CTNNA3: variants seen among roughly 807,000 people sequenced by gnomAD.
CTNNA3 encodes catenin alpha 3.
CTNNA3 carries 76 observed loss-of-function variants against 95.7 expected under a neutral mutation model. The ratio of observed to expected loss-of-function variants is 0.79; its 90% confidence interval spans 0.66 to 0.96. CTNNA3 has a LOEUF of 0.96. CTNNA3 is among the 40% of genes least tolerant of loss of function. CTNNA3 has a pLI of 0.00. For synonymous variants in CTNNA3, 431 were observed against 374.4 expected (o/e 1.15, Z -1.74); for missense variants, 1,191 against 1,089.8 (o/e 1.09, Z -1.31).
intron 5 of CTNNA3, among the ~76,000 whole-genome samples, chr10:67,328,475 G>A (rs1325169190): frequency 6.6e-6 from 1 of 152,208 alleles, no homozygotes; most frequent in African/African-American, 2.4e-5. Flanking sequence ...CACATCAGCT[G>A]GCTGCTGCCC....
At chr10:65,995,188 A>G (rs918977308) in intron 15 of CTNNA3, among the ~76,000 whole-genome samples, 1 of 151,920 alleles carries the variant, frequency 6.6e-6, no homozygotes, top group Non-Finnish European at 1.5e-5. Context: ...TTGCTGGACA[A>G]TTATTATGTT....
intron 9 of CTNNA3, among the ~76,000 whole-genome samples, chr10:66,679,977 A>C (rs927579894): frequency 1.1e-4 from 17 of 152,132 alleles, no homozygotes; most frequent in Non-Finnish European, 2.1e-4. Flanking sequence ...TCATAAGAAG[A>C]GCATTCACCA....
chr10:67,720,489 G>T (rs947290564), intron 1 of CTNNA3, among the ~76,000 whole-genome samples: 5 of 151,928 alleles, frequency 3.3e-5, no homozygotes, highest in Admixed American at 6.6e-5. Flanking sequence ...ACAGTAGCTG[G>T]TACCAGTTGT....
At chr10:67,577,133 A>T (rs1450435848) in intron 3 of CTNNA3, among the ~76,000 whole-genome samples, 1 of 151,130 alleles carries the variant, frequency 6.6e-6, no homozygotes, top group Non-Finnish European at 1.5e-5. Flanking sequence ...CGCCACACTG[A>T]CTTCCACAAT....
chr10:67,450,743 C>G (rs932207691), intron 5 of CTNNA3, among the ~76,000 whole-genome samples: 3 of 151,428 alleles, frequency 2.0e-5, no homozygotes, highest in African/African-American at 7.3e-5. Flanking sequence ...CACAAATTTA[C>G]CTATATAAAA....
intron 15 of CTNNA3, among the ~76,000 whole-genome samples, chr10:66,013,742 T>G (rs1218715343): frequency 6.6e-6 from 1 of 152,174 alleles, no homozygotes; most frequent in African/African-American, 2.4e-5. Context: ...ACGACCAAGT[T>G]TTTTAGATTT....
chr10:67,531,549 A>G (rs1016529918), intron 4 of CTNNA3, among the ~76,000 whole-genome samples: 8 of 152,180 alleles, frequency 5.3e-5, no homozygotes, highest in African/African-American at 1.9e-4. Flanking sequence ...CTGTACCCTC[A>G]TTGTATCTAG....
At chr10:67,419,909 T>G (rs181908282) in intron 5 of CTNNA3, among the ~76,000 whole-genome samples, 262 of 152,198 alleles carry the variant, frequency 1.7e-3, no homozygotes, top group African/African-American at 5.9e-3. Context: ...TGGAGTGCAG[T>G]GGCACGATCT....
rs534496927 is a variant in CTNNA3 at position 67,581,244 on chromosome 10, G to A, written c.292+25613C>T. Among the ~76,000 whole-genome samples, 6 of 152,204 alleles carry A rather than the reference G, an allele frequency of 3.9e-5. No individual in the cohort carries two copies. The East Asian group carries it at 5.8e-4, about 15-fold the overall frequency. Reference sequence around the variant, plus strand: ...TTGAGATATGTCCCATCAACACCTAGTTTATTGAGAGTTTTTAGCATGAAG... The same window carrying A: ...TTGAGATATGTCCCATCAACACCTAATTTATTGAGAGTTTTTAGCATGAAG... On this transcript the variant is annotated intron_variant, in intron 3 of 17. Transcript: ENST00000433211.
At chr10:66,007,720 C>CTT (rs1334789100) in intron 15 of CTNNA3, among the ~76,000 whole-genome samples, 3 of 136,258 alleles carry the variant, frequency 2.2e-5, no homozygotes, top group Admixed American at 1.5e-4. Context: ...CTCCCTCCCT[C>CTT]CCTCCCTTTC....
intron 8 of CTNNA3, among the ~76,000 whole-genome samples, chr10:66,770,472 T>A (rs897795002): frequency 6.6e-6 from 1 of 152,166 alleles, no homozygotes; most frequent in African/African-American, 2.4e-5. Flanking sequence ...ATACATACTT[T>A]CAATAAATAC....
intron 11 of CTNNA3, among the ~76,000 whole-genome samples, chr10:66,423,481 A>G (rs2093213225): frequency 6.6e-6 from 1 of 152,176 alleles, no homozygotes; most frequent in Non-Finnish European, 1.5e-5. Flanking sequence ...CTAAATCCAA[A>G]GGGCATCAGC....
At chr10:66,514,086 C>T (rs932303898) in intron 11 of CTNNA3, among the ~76,000 whole-genome samples, 1 of 152,092 alleles carries the variant, frequency 6.6e-6, no homozygotes, top group Admixed American at 6.6e-5. Context: ...GTTACTAAGC[C>T]AAGGTCAAAG....
At chr10:66,747,877 T>C (rs970185097) in intron 9 of CTNNA3, among the ~76,000 whole-genome samples, 8 of 152,168 alleles carry the variant, frequency 5.3e-5, no homozygotes, top group African/African-American at 1.9e-4. Context: ...AAAAGGTTTA[T>C]AACAATCATA....
chr10:67,468,839 T>C (rs1847702580), intron 5 of CTNNA3, among the ~76,000 whole-genome samples: 1 of 151,984 alleles, frequency 6.6e-6, no homozygotes, highest in African/African-American at 2.4e-5. Context: ...AGCAAAAAAT[T>C]TTTTATTGTG....
At chr10:66,231,546 C>T (rs2089590894) in intron 13 of CTNNA3, among the ~76,000 whole-genome samples, 1 of 152,028 alleles carries the variant, frequency 6.6e-6, no homozygotes, top group African/African-American at 2.4e-5. Context: ...CTTCTTGGCT[C>T]CTGATTTTGA....
chr10:67,169,584 C>T (rs745469866), intron 7 of CTNNA3, among the ~76,000 whole-genome samples: 4 of 152,018 alleles, frequency 2.6e-5, no homozygotes, highest in South Asian at 2.1e-4. Flanking sequence ...CATGCACAGA[C>T]GATTGACTCT....
At chr10:66,301,528 G>T (rs1458734840) in intron 12 of CTNNA3, among the ~76,000 whole-genome samples, 2 of 151,646 alleles carry the variant, frequency 1.3e-5, no homozygotes, top group South Asian at 4.2e-4. Flanking sequence ...AATCTACAAA[G>T]AATCAAGTAG....
Position 66,469,868 on chromosome 10 carries a change from T to A in CTNNA3, c.1531+50749A>T, listed in dbSNP as rs190370540. Among the ~76,000 whole-genome samples, 4 of 151,890 alleles carry A rather than the reference T, an allele frequency of 2.6e-5. No homozygotes were observed. The East Asian group carries it at 7.7e-4, about 29-fold the overall frequency. On this transcript the variant is annotated intron_variant, in intron 11 of 17. Transcript: ENST00000433211. Reference sequence around the variant, plus strand: ...GAATGGAGGCAGATACGAGACTTAATTGAAAACATAAAACAGGAAGAGAGG... The same window carrying A: ...GAATGGAGGCAGATACGAGACTTAAATGAAAACATAAAACAGGAAGAGAGG...
Sources: gnomAD v4.1 joint callset for allele counts (sites outside exome capture counted in the v4.1 genomes callset) on GRCh38, gnomAD v4.1.1 for gene constraint, MANE v1.5 for transcripts, NCBI Gene and HGNC (gene_info 2026-07-23, HGNC 2026-07-21) for gene names.